OSBPL8: variants seen among roughly 807,000 people sequenced by gnomAD.
The protein encoded by OSBPL8 is oxysterol-binding protein-related protein 8.
In OSBPL8, 59 loss-of-function variants were observed where a neutral mutation model predicts 125.5. The ratio of observed to expected loss-of-function variants is 0.47; its 90% CI spans 0.38 to 0.58. The LOEUF (loss-of-function observed/expected upper bound fraction) is 0.58, where lower values mean the gene tolerates loss of function less well. Ranked by LOEUF, OSBPL8 falls within the 20% of genes least tolerant of loss-of-function variation. OSBPL8 has a pLI of 0.00. For synonymous variants in OSBPL8, 330 were observed against 338.9 expected (o/e 0.97, Z 0.29); for missense variants, 758 against 1,047.8 (o/e 0.72, Z 3.82).
intron 4 of OSBPL8, among the ~76,000 whole-genome samples, chr12:76,411,711 T>C (rs1378640416): frequency 6.6e-6 from 1 of 151,896 alleles, no homozygotes; most frequent in Non-Finnish European, 1.5e-5. Context: ...AAAAATAAAA[T>C]GTAAAAAAAA....
chr12:76,442,631 C>A (rs183380233), intron 4 of OSBPL8, among the ~76,000 whole-genome samples: 1 of 152,160 alleles, frequency 6.6e-6, no homozygotes, highest in African/African-American at 2.4e-5. Flanking sequence ...GTGGGTCTAA[C>A]TACAAGCCCT....
chr12:76,549,264 C>A (rs1402128884), intron 1 of OSBPL8, among the ~76,000 whole-genome samples: 1 of 152,216 alleles, frequency 6.6e-6, no homozygotes, highest in Non-Finnish European at 1.5e-5. Flanking sequence ...GTAAGAGCAA[C>A]TGAGTATCTA....
chr12:76,439,319 C>T (rs1362237729), intron 4 of OSBPL8, among the ~76,000 whole-genome samples: 1 of 151,878 alleles, frequency 6.6e-6, no homozygotes, highest in East Asian at 1.9e-4. Flanking sequence ...GCGGAGGTTG[C>T]AGTGACCCAA....
At chr12:76,483,387 C>A (rs1337661503) in intron 2 of OSBPL8, among the ~76,000 whole-genome samples, 4 of 151,746 alleles carry the variant, frequency 2.6e-5, no homozygotes, top group Non-Finnish European at 4.4e-5. Context: ...CATGGTGAAA[C>A]CCCGTCTCTA....
chr12:76,554,856 T>C (rs1309822981), intron 1 of OSBPL8, among the ~76,000 whole-genome samples: 1 of 152,214 alleles, frequency 6.6e-6, no homozygotes, highest in Non-Finnish European at 1.5e-5. Flanking sequence ...TTAGTCTTTG[T>C]ATAATAAAAA....
chr12:76,420,961 T>C (rs1251697263), intron 4 of OSBPL8, among the ~76,000 whole-genome samples: 1 of 152,054 alleles, frequency 6.6e-6, no homozygotes, highest in Non-Finnish European at 1.5e-5. Context: ...TACTTTTCTA[T>C]AGAAACAAAT....
chr12:76,468,283 A>AT (rs1488488106), intron 2 of OSBPL8, among the ~76,000 whole-genome samples: 1 of 152,116 alleles, frequency 6.6e-6, no homozygotes, highest in Non-Finnish European at 1.5e-5. Flanking sequence ...TAGTTAAAAT[A>AT]TTTTACAATT....
rs1872302985 is a variant in OSBPL8, at chr12:76,442,497, T to A, written c.217+8354A>T. On this transcript the variant is annotated intron_variant, in intron 4 of 23. Coordinates refer to ENST00000261183, the MANE Select transcript of OSBPL8 (RefSeq NM_020841.5). ...ATCTAAATTACAGATATTTAATGCA[T>A]TAAGGATTTTAAAACTCAGAAGAAA... Among the ~76,000 whole-genome samples the A allele has an allele frequency of 9.2e-5, 14 of 152,274 alleles. No homozygotes were observed. The South Asian group carries it at 2.9e-3, about 32-fold the overall frequency.
At chr12:76,383,739 T>C (rs1182682403) in intron 15 of OSBPL8, among the ~76,000 whole-genome samples, 1 of 152,210 alleles carries the variant, frequency 6.6e-6, no homozygotes, top group Admixed American at 6.5e-5. Flanking sequence ...AATGATTTGT[T>C]TGAACTATCA....
At chr12:76,546,604 C>CA (rs577590696) in intron 1 of OSBPL8, among the ~76,000 whole-genome samples, 4 of 150,642 alleles carry the variant, frequency 2.7e-5, no homozygotes, top group Non-Finnish European at 3.0e-5. Flanking sequence ...TCAGGGATAG[C>CA]AAAAAAAAGT....
At chr12:76,506,415 A>G (rs776225058) in intron 1 of OSBPL8, among the ~76,000 whole-genome samples, 1 of 152,238 alleles carries the variant, frequency 6.6e-6, no homozygotes, top group Non-Finnish European at 1.5e-5. Context: ...TTAAAACCAT[A>G]ACATTGAATG....
rs904479874 is a variant in OSBPL8 at position 76,556,943 on chromosome 12, C to T, written c.-68+2454G>A. ...CCTCCCAAAGTGCTAGCATTACAGGCGTGAGCCACCGGGCCTGGCCTCTCA... is the reference window on the plus strand; with the variant it reads ...CCTCCCAAAGTGCTAGCATTACAGGTGTGAGCCACCGGGCCTGGCCTCTCA... On this transcript the variant is annotated intron_variant, in intron 1 of 23. Coordinates refer to ENST00000261183, the MANE Select transcript of OSBPL8 (RefSeq NM_020841.5). 2.0e-5 allele frequency among the ~76,000 whole-genome samples: 3 copies of T among 152,136 alleles called. No individual in the cohort carries two copies. The South Asian group carries it at 6.2e-4, about 32-fold the overall frequency.
intron 2 of OSBPL8, among the ~76,000 whole-genome samples, chr12:76,477,407 G>C (rs146670691): frequency 1.3e-5 from 2 of 151,984 alleles, no homozygotes; most frequent in Non-Finnish European, 2.9e-5. Flanking sequence ...TGATGAAAAC[G>C]GCACTTTATC....
intron 1 of OSBPL8, among the ~76,000 whole-genome samples, chr12:76,490,271 C>G (rs1211827316): frequency 1.3e-5 from 2 of 152,240 alleles, no homozygotes; most frequent in Non-Finnish European, 2.9e-5. Context: ...GCCCCACCCT[C>G]AAGTCGAAAA....
intron 1 of OSBPL8, among the ~76,000 whole-genome samples, chr12:76,500,638 G>A (rs1879804415): frequency 6.6e-6 from 1 of 152,098 alleles, no homozygotes; most frequent in Non-Finnish European, 1.5e-5. Context: ...TTCTTGCCCT[G>A]AATGAGTGGA....
At chr12:76,512,711 G>A (rs1042229960) in intron 1 of OSBPL8, among the ~76,000 whole-genome samples, 2 of 152,050 alleles carry the variant, frequency 1.3e-5, no homozygotes, top group Non-Finnish European at 2.9e-5. Context: ...TTTTTTTCTA[G>A]TTCTGTGAAG....
chr12:76,447,388 TG>T (rs1872829885), intron 4 of OSBPL8, among the ~76,000 whole-genome samples: 1 of 152,206 alleles, frequency 6.6e-6, no homozygotes, highest in Admixed American at 6.5e-5. Flanking sequence ...AAAGTATTCT[TG>T]CCAAAAATGC....
intron 2 of OSBPL8, among the ~76,000 whole-genome samples, chr12:76,487,258 T>TG (rs1251079089): frequency 5.9e-5 from 9 of 152,072 alleles, no homozygotes; most frequent in Admixed American, 1.3e-4. Flanking sequence ...CTTGAACTCC[T>TG]GAGCTCAGGT....
intron 21 of OSBPL8, among the ~76,000 whole-genome samples, chr12:76,367,229 G>GGGGTGT (rs149505291): frequency 1.0e-4 from 15 of 147,280 alleles, no homozygotes; most frequent in African/African-American, 2.3e-4. Context: ...TTTGTTGATT[G>GGGGTGT]GTGTGTGTGT....
Sources: allele counts gnomAD v4.1 joint callset (sites outside exome capture counted in the v4.1 genomes callset), GRCh38; gene constraint gnomAD v4.1.1; transcripts MANE v1.5; gene names NCBI Gene and HGNC (gene_info 2026-07-23, HGNC 2026-07-21).